Variants in PCLO observed in about 807,000 individuals in gnomAD.
PCLO encodes protein piccolo.
A neutral mutation model predicts 427.5 loss-of-function variants in PCLO; 82 were observed. That is an observed-to-expected ratio of 0.19 (90% CI 0.16 to 0.23). The LOEUF (loss-of-function observed/expected upper bound fraction) is 0.23. Ranked by LOEUF, PCLO falls within the 10% of genes least tolerant of loss-of-function variation. PCLO has a pLI of 1.00. For missense variants in PCLO, 6,239 were observed against 6,115.9 expected (o/e 1.02, Z -0.67); for synonymous variants, 2,357 against 2,155.4 (o/e 1.09, Z -2.59).
At position 83,135,352 on chromosome 7, in the gene PCLO, G is replaced by T; in HGVS notation, c.2198C>A (p.Ala733Asp). 2 of 1,613,930 alleles carry T rather than the reference G, an allele frequency of 1.2e-6. No individual in the cohort carries two copies. Residue 733 changes from alanine to aspartate, a missense_variant, in exon 3 of 25, where the codon GCC becomes GAC. By Grantham distance (126) the Ala-to-Asp change is moderately radical. This residue lies in a region of PCLO where 4,677 missense variants were observed against 4,468.4 expected (regional missense o/e 1.05). Transcript: ENST00000333891. ...TGGGACAGAAGGTTCTTTGGGAGGGGCTGGCTTGGACAAAGAATCTGCCTC... is the reference window on the plus strand; with the variant it reads ...TGGGACAGAAGGTTCTTTGGGAGGGTCTGGCTTGGACAAAGAATCTGCCTC... ...PPEADSLSKP[A>D]PPKEPSVPSE...
chr7:82,875,019 C>CT (rs1432722274), intron 10 of PCLO, among the ~76,000 whole-genome samples: 3 of 152,034 alleles, frequency 2.0e-5, no homozygotes, highest in Non-Finnish European at 4.4e-5. Flanking sequence ...TTGTCTTCAT[C>CT]TTTTTTACAG....
chr7:83,002,642 GCAA>G (rs1420837586), intron 3 of PCLO, among the ~76,000 whole-genome samples: 1 of 151,596 alleles, frequency 6.6e-6, no homozygotes, highest in African/African-American at 2.4e-5. Flanking sequence ...GCATTAAAAT[GCAA>G]CAATAGAAAA....
chr7:82,862,450 T>C (rs1244464072), intron 10 of PCLO, among the ~76,000 whole-genome samples: 1 of 150,976 alleles, frequency 6.6e-6, no homozygotes, highest in African/African-American at 2.4e-5. Context: ...TACTGCTGGG[T>C]ATATATCCAA....
intron 3 of PCLO, among the ~76,000 whole-genome samples, chr7:83,103,208 A>G (rs1790777449): frequency 6.6e-6 from 1 of 151,924 alleles, no homozygotes; most frequent in Admixed American, 6.6e-5. Flanking sequence ...AAGATGCACT[A>G]ACTGTAATCT....
intron 22 of PCLO, 132 bp downstream of exon 22, chr7:82,801,386 G>T: frequency 1.9e-6 from 1 of 528,198 alleles, no homozygotes; most frequent in South Asian, 3.0e-5. Context: ...AATAGATAAT[G>T]ATATCTTACT....
intron 3 of PCLO, among the ~76,000 whole-genome samples, chr7:82,976,017 T>C (rs973086784): frequency 1.3e-5 from 2 of 152,204 alleles, no homozygotes; most frequent in Non-Finnish European, 2.9e-5. Flanking sequence ...TTCATAGCAG[T>C]GTGAAACTGT....
At chr7:82,770,143 T>A (rs1790618855) in intron 22 of PCLO, among the ~76,000 whole-genome samples, 1 of 152,102 alleles carries the variant, frequency 6.6e-6, no homozygotes, top group Non-Finnish European at 1.5e-5. Flanking sequence ...AAAGTGATGA[T>A]CTTTTTCAAA....
In PCLO at chr7:82,908,733, T is replaced by C. The variant is rs1430888950; in HGVS notation, c.13437+144A>G. On this transcript the variant is annotated intron_variant, in intron 8 of 24. Transcript: ENST00000333891. ...GTCATAGCTGATGAAGTGAGCTGTG[T>C]TACTCCTTTATGTTATTGGAAAAAA... The C allele has an allele frequency of 2.5e-5, 17 of 687,112 alleles. No individual in the cohort carries two copies. In the Admixed American group the frequency reaches 4.3e-4, roughly 17 times the overall value. The allele number at this position is 687,112 out of a possible 1,614,324, so 42.6% of individuals were successfully genotyped here.
intron 3 of PCLO, among the ~76,000 whole-genome samples, chr7:83,131,112 G>C (rs912089708): frequency 1.3e-5 from 2 of 152,136 alleles, no homozygotes; most frequent in Non-Finnish European, 2.9e-5. Context: ...AATTCTGTAA[G>C]ACCAGCTTTT....
At chr7:82,997,579 T>G (rs1236679485) in intron 3 of PCLO, among the ~76,000 whole-genome samples, 1 of 151,662 alleles carries the variant, frequency 6.6e-6, no homozygotes, top group Admixed American at 6.6e-5. Context: ...GCAAGCAGAG[T>G]TGCATAAACA....
rs1165750030 is a variant in PCLO, at chr7:83,067,886, G to T, written c.3300+66364C>A. ...AGAAACTGACATGCAAAATTTATAA[G>T]GAATGCTTCTGGGGTACAGCTTACA... is the stretch of plus-strand genomic sequence containing the variant. On this transcript the variant is annotated intron_variant, in intron 3 of 24. Transcript: ENST00000333891. Among the ~76,000 whole-genome samples, 3 of 77,690 alleles carry T rather than the reference G, an allele frequency of 3.9e-5. No homozygotes were observed. The East Asian group carries it at 1.3e-3, about 33-fold the overall frequency. The allele number at this position is 77,690 out of a possible 152,430, so 51.0% of individuals were successfully genotyped here.
chr7:82,939,078 T>C (rs2116372491), intron 6 of PCLO, among the ~76,000 whole-genome samples: 1 of 152,192 alleles, frequency 6.6e-6, no homozygotes, highest in East Asian at 1.9e-4. Flanking sequence ...ACCTTTCCAT[T>C]CTTACAGCAA....
intron 10 of PCLO, among the ~76,000 whole-genome samples, chr7:82,849,588 A>G (rs532025298): frequency 6.6e-6 from 1 of 152,318 alleles, no homozygotes; most frequent in Admixed American, 6.5e-5. Context: ...TGAATGATAT[A>G]CAGGTATAAC....
chr7:82,811,666 A>G (rs1056646207), intron 20 of PCLO, among the ~76,000 whole-genome samples: 4 of 151,482 alleles, frequency 2.6e-5, no homozygotes, highest in African/African-American at 9.7e-5. Context: ...TTTTTTCCAA[A>G]TCTACTTCAG....
chr7:83,115,876 G>A, intron 3 of PCLO, among the ~76,000 whole-genome samples: 1 of 151,636 alleles, frequency 6.6e-6, no homozygotes, highest in Non-Finnish European at 1.5e-5. Flanking sequence ...ATTAAACCTT[G>A]GGGTGTCTTC....
At chr7:83,152,645 T>TA (rs898028178) in intron 2 of PCLO, among the ~76,000 whole-genome samples, 1 of 152,154 alleles carries the variant, frequency 6.6e-6, no homozygotes, top group Non-Finnish European at 1.5e-5. Context: ...CCCAAATCAT[T>TA]ACACTCTTTC....
Position 82,939,584 on chromosome 7 carries a change from C to T in PCLO, c.11112+9892G>A, listed in dbSNP as rs964324995. 8.1e-5 allele frequency among the ~76,000 whole-genome samples: 12 copies of T among 147,992 alleles called. No individual in the cohort carries two copies. The South Asian group carries it at 1.1e-3, about 13-fold the overall frequency. Reference sequence around the variant, plus strand: ...TGGAAATATACATATATATTTTTTCCGCTGAAAAAAAAATATATTTCTTTT... The same window carrying T: ...TGGAAATATACATATATATTTTTTCTGCTGAAAAAAAAATATATTTCTTTT... On this transcript the variant is annotated intron_variant, in intron 6 of 24. Coordinates refer to ENST00000333891, the MANE Select transcript of PCLO (RefSeq NM_033026.6).
chr7:83,104,795 C>A (rs890892959), intron 3 of PCLO, among the ~76,000 whole-genome samples: 3 of 152,080 alleles, frequency 2.0e-5, no homozygotes, highest in African/African-American at 7.2e-5. Flanking sequence ...AGAAGTGACA[C>A]AACTATGCCA....
chr7:83,160,057 C>A (rs553403536), intron 1 of PCLO, among the ~76,000 whole-genome samples: 1 of 152,226 alleles, frequency 6.6e-6, no homozygotes, highest in East Asian at 1.9e-4. Flanking sequence ...CTGTAGCCAT[C>A]GGTGACAGTG....
Sources: gnomAD v4.1 joint callset for allele counts (sites outside exome capture counted in the v4.1 genomes callset) on GRCh38, gnomAD v4.1.1 for gene constraint, gnomAD v4.1.1 regional missense constraint, MANE v1.5 for transcripts, NCBI Gene and HGNC (gene_info 2026-07-23, HGNC 2026-07-21) for gene names.